The following SMURF2 variants were observed in gnomAD, a reference collection of about 807,000 sequenced individuals.
SMURF2 encodes the protein SMAD specific E3 ubiquitin protein ligase 2.
Under a neutral mutation model 109.6 loss-of-function variants are expected in SMURF2, and 48 were observed. The ratio of observed to expected loss-of-function variants is 0.44; its 90% CI spans 0.35 to 0.56. SMURF2 has a LOEUF of 0.56. SMURF2 is among the 20% of genes least tolerant of loss of function. The probability of loss-of-function intolerance (pLI) is 0.01; values close to 1 mark genes in which losing one functional copy is unlikely to be tolerated. For synonymous variants in SMURF2, 288 were observed against 317.1 expected (o/e 0.91, Z 0.97); for missense variants, 575 against 909.0 (o/e 0.63, Z 4.72).
chr17:64,571,920 T>C lies in SMURF2; in HGVS notation c.894A>G (p.Pro298=). 6.2e-7 allele frequency: 1 copy of C among 1,613,624 alleles called. No individual in the cohort carries two copies. The part of the protein sequence containing the change: ...LSNINCEELG[P]LPPGWEIRNT... ...TACGGATCTCCCATCCAGGAGGCAA[T>C]GGACCAAGCTCTTCACAATTGATGT... Residue 298 remains proline (P), a synonymous_variant, in exon 10 of 19, where the codon CCA becomes CCG. Coordinates refer to ENST00000262435, the MANE Select transcript of SMURF2 (RefSeq NM_022739.4).
rs543766547 is a variant in SMURF2 at position 64,558,128 on chromosome 17, G to A, written c.1317-406C>T. Among the ~76,000 whole-genome samples, 10 of 152,246 alleles carry A rather than the reference G, an allele frequency of 6.6e-5. No individual in the cohort carries two copies. In the East Asian group the frequency reaches 1.2e-3, roughly 18 times the overall value. ...AAAATGTCCATGTGAGGCTGGGGACGGTGGCTCACACCTGTAATCCCAGCA... is the reference window on the plus strand; with the variant it reads ...AAAATGTCCATGTGAGGCTGGGGACAGTGGCTCACACCTGTAATCCCAGCA... On this transcript the variant is annotated intron_variant, in intron 12 of 18. Coordinates refer to ENST00000262435, the MANE Select transcript of SMURF2 (RefSeq NM_022739.4).
At chr17:64,619,478 CAAAAAAAAAAAAAA>C (rs552413988) in intron 1 of SMURF2, among the ~76,000 whole-genome samples, 4 of 34,930 alleles carry the variant, frequency 1.1e-4, no homozygotes, top group Admixed American at 7.1e-4. Context: ...ACTCTTGTCT[CAAAAAAAAAAAAAA>C]AAAAAAAAAA....
intron 12 of SMURF2, among the ~76,000 whole-genome samples, chr17:64,558,560 C>T (rs1969159600): frequency 6.6e-6 from 1 of 152,124 alleles, no homozygotes; most frequent in African/African-American, 2.4e-5. Context: ...CATTATCATT[C>T]ACTGTATAAA....
At chr17:64,638,619 T>C (rs1555692320) in intron 1 of SMURF2, among the ~76,000 whole-genome samples, 1 of 152,244 alleles carries the variant, frequency 6.6e-6, no homozygotes, top group Admixed American at 6.5e-5. Flanking sequence ...CAAGTCTCTT[T>C]CATTAAAGCT....
At chr17:64,621,906 T>TA (rs147265845) in intron 1 of SMURF2, among the ~76,000 whole-genome samples, 203 of 123,676 alleles carry the variant, frequency 1.6e-3, no homozygotes, top group Middle Eastern at 7.9e-3. Context: ...AATAAATAAA[T>TA]AATAATAATA....
In SMURF2 at chr17:64,553,556, G is replaced by C. The variant is rs148297407; in HGVS notation, c.1748+1300C>G. 7.0e-3 allele frequency among the ~76,000 whole-genome samples: 1,060 copies of C among 151,914 alleles called. 6 individuals carry two copies. Among genetic ancestry groups the C allele is most frequent in the Non-Finnish European group, 0.012 (803 of 67,910 alleles). On this transcript the variant is annotated intron_variant, in intron 15 of 18. Transcript: ENST00000262435. ...AAACAAAAAAAAAACCATGGATTTT[G>C]TTCCTACATAATTCTTCTAAGACTT...
rs1294030847 is a variant in SMURF2, at chr17:64,647,285, G to GA, written c.52+14543dup. Among the ~76,000 whole-genome samples, 213 of 150,402 alleles carry GA rather than the reference G, an allele frequency of 1.4e-3. 1 individual carries two copies. Among genetic ancestry groups the GA allele is most frequent in the African/African-American group, 4.9e-3 (203 of 41,020 alleles). On this transcript the variant is annotated intron_variant, in intron 1 of 18. Transcript: ENST00000262435. ...AAATCAGAAGAAACTGAAAAAAAAAGAAAAAAAAATCAGAAGAAACTGGGA... is the reference window on the plus strand; with the variant it reads ...AAATCAGAAGAAACTGAAAAAAAAAGAAAAAAAAAATCAGAAGAAACTGGGA...
chr17:64,600,069 T>C (rs1391587060), intron 2 of SMURF2, among the ~76,000 whole-genome samples: 1 of 152,118 alleles, frequency 6.6e-6, no homozygotes, highest in Non-Finnish European at 1.5e-5. Context: ...ACTACAGTCA[T>C]ATTTTTCTAT....
chr17:64,590,758 T>TA (rs1487343123), intron 5 of SMURF2, among the ~76,000 whole-genome samples: 3 of 152,138 alleles, frequency 2.0e-5, no homozygotes, highest in East Asian at 1.9e-4. Flanking sequence ...CTCTTCTTAC[T>TA]AAAAAAACTA....
Position 64,544,314 on chromosome 17 carries a change from C to A in SMURF2, c.*1534G>T, listed in dbSNP as rs1263830782. 1 of 152,104 alleles carries A rather than the reference C, an allele frequency of 6.6e-6. No individual in the cohort carries two copies. Among genetic ancestry groups the A allele is most frequent in the Non-Finnish European group, 1.5e-5 (1 of 68,048 alleles). The allele number at this position is 152,104 out of a possible 1,614,324, so 9.4% of individuals were successfully genotyped here. On this transcript the variant is annotated 3_prime_UTR_variant, in exon 19 of 19. Transcript: ENST00000262435. ...TACTCCTGAGGCACCCCTGAGGAACCCTTTGGCTCCAAGAACACAGACTGA... is the reference window on the plus strand; with the variant it reads ...TACTCCTGAGGCACCCCTGAGGAACACTTTGGCTCCAAGAACACAGACTGA...
chr17:64,653,488 CAG>C (rs1416938144), intron 1 of SMURF2, among the ~76,000 whole-genome samples: 1 of 149,786 alleles, frequency 6.7e-6, no homozygotes, highest in Non-Finnish European at 1.5e-5. Flanking sequence ...TTTTTTGAGA[CAG>C]AGTCACCCAC....
intron 1 of SMURF2, among the ~76,000 whole-genome samples, chr17:64,638,492 C>T (rs1423578114): frequency 2.6e-5 from 4 of 152,238 alleles, no homozygotes; most frequent in African/African-American, 7.2e-5. Flanking sequence ...TAAGCCACCA[C>T]GCTCAGCCTG....
intron 3 of SMURF2, among the ~76,000 whole-genome samples, chr17:64,596,844 T>A (rs8072270): frequency 7.2e-5 from 11 of 152,130 alleles, no homozygotes; most frequent in African/African-American, 2.7e-4. Flanking sequence ...GATTATGACA[T>A]ATAACTTCTC....
intron 15 of SMURF2, among the ~76,000 whole-genome samples, chr17:64,552,725 G>A (rs1165179756): frequency 2.2e-4 from 33 of 152,050 alleles, no homozygotes; most frequent in South Asian, 2.1e-4. Flanking sequence ...TTTATATTAG[G>A]TGGAGTCTCG....
intron 1 of SMURF2, among the ~76,000 whole-genome samples, chr17:64,629,042 C>G (rs1970303467): frequency 6.6e-6 from 1 of 152,052 alleles, no homozygotes; most frequent in South Asian, 2.1e-4. Flanking sequence ...ATCCCTAAAC[C>G]CACTAAAAAG....
intron 1 of SMURF2, among the ~76,000 whole-genome samples, chr17:64,617,766 G>C (rs556230444): frequency 5.3e-5 from 8 of 152,224 alleles, no homozygotes; most frequent in Non-Finnish European, 1.2e-4. Flanking sequence ...ACTGCGCCCA[G>C]CCTCAGTTAA....
At chr17:64,549,159 C>A (rs1969001660) in intron 16 of SMURF2, among the ~76,000 whole-genome samples, 1 of 148,898 alleles carries the variant, frequency 6.7e-6, no homozygotes, top group Admixed American at 6.8e-5. Context: ...GTGGCGGGCA[C>A]CTGTAATCCC....
intron 1 of SMURF2, among the ~76,000 whole-genome samples, chr17:64,651,040 T>A (rs1453101002): frequency 6.6e-6 from 1 of 150,756 alleles, no homozygotes; most frequent in African/African-American, 2.4e-5. Context: ...AGCAAAACCC[T>A]GTCTCTACTA....
At chr17:64,564,903 G>A (rs781964010) in intron 10 of SMURF2, among the ~76,000 whole-genome samples, 1 of 152,164 alleles carries the variant, frequency 6.6e-6, no homozygotes, top group Non-Finnish European at 1.5e-5. Context: ...AACACAGGGT[G>A]GAAGTCCCAC....
Sources: gnomAD v4.1 joint callset for allele counts (sites outside exome capture counted in the v4.1 genomes callset) on GRCh38, gnomAD v4.1.1 for gene constraint, MANE v1.5 for transcripts, NCBI Gene and HGNC (gene_info 2026-07-23, HGNC 2026-07-21) for gene names.